Variants in GRAMD1B observed in about 807,000 individuals in gnomAD.
The protein encoded by GRAMD1B is GRAM domain containing 1B, also known as protein Aster-B.
A neutral mutation model predicts 99.7 loss-of-function variants in GRAMD1B; 37 were observed. That is an observed-to-expected ratio of 0.37 (90% confidence interval 0.29 to 0.49). GRAMD1B has a LOEUF of 0.49. GRAMD1B is among the 20% of genes least tolerant of loss of function. GRAMD1B has a pLI of 0.98. For missense variants in GRAMD1B, 888 were observed against 1,009.2 expected (o/e 0.88, Z 1.63); for synonymous variants, 427 against 387.6 (o/e 1.10, Z -1.19).
In GRAMD1B at chr11:123,608,308, G is replaced by A. The variant is rs1293407723; in HGVS notation, c.1514-351G>A. 8.4e-6 allele frequency: 5 copies of A among 594,610 alleles called. No individual in the cohort carries two copies. The African/African-American group carries it at 9.3e-5, about 11-fold the overall frequency. The allele number at this position is 594,610 out of a possible 1,614,324, so 36.8% of individuals were successfully genotyped here. On this transcript the variant is annotated intron_variant, in intron 11 of 19. Coordinates refer to ENST00000635736, the MANE Select transcript of GRAMD1B (RefSeq NM_001387025.1). ...ACAGACTCTCAAAACCCCATTCTTT[G>A]GGTTTAGGCAACTTCCAGAAGTAGT...
At chr11:123,544,682 G>A (rs1349705574) in intron 2 of GRAMD1B, among the ~76,000 whole-genome samples, 1 of 152,212 alleles carries the variant, frequency 6.6e-6, no homozygotes, top group African/African-American at 2.4e-5. Flanking sequence ...TGCCCACAGC[G>A]GCGGTTGTCA....
chr11:123,614,441 G>T (rs1179398380), intron 16 of GRAMD1B, among the ~76,000 whole-genome samples: 1 of 152,172 alleles, frequency 6.6e-6, no homozygotes, highest in Non-Finnish European at 1.5e-5. Context: ...TTTAGTCCTA[G>T]CCCAATGCCA....
At chr11:123,428,847 G>C (rs536821085), upstream of GRAMD1B, among the ~76,000 whole-genome samples, 85 of 152,284 alleles carry the variant, frequency 5.6e-4, no homozygotes, top group Non-Finnish European at 9.7e-4. Flanking sequence ...GGGTGGATCA[G>C]ATTGTGGACT....
rs555690648 is a variant in GRAMD1B, at chr11:123,373,313, C to T, written c.-176+14514C>T. The stretch of plus-strand genomic sequence containing the variant: ...GGGTGTAGATGAGATTTAGATAGCA[C>T]GGGCACTGGTTTTTCTGATGGCCAG... On this transcript the variant is annotated intron_variant, in intron 1 of 20. Transcript: ENST00000638157. Among the ~76,000 whole-genome samples, 28 of 151,870 alleles carry T rather than the reference C, an allele frequency of 1.8e-4. No individual in the cohort carries two copies. In the East Asian group the frequency reaches 2.9e-3, roughly 16 times the overall value.
At chr11:123,380,423 G>C (rs900812931) in intron 1 of GRAMD1B, among the ~76,000 whole-genome samples, 4 of 152,226 alleles carry the variant, frequency 2.6e-5, no homozygotes. Context: ...AGAGGAAAAA[G>C]AGTTTAGCAG....
At chr11:123,535,883 C>G (rs937626013) in intron 2 of GRAMD1B, among the ~76,000 whole-genome samples, 6 of 152,072 alleles carry the variant, frequency 3.9e-5, no homozygotes, top group Admixed American at 2.6e-4. Context: ...GAAATGAGCA[C>G]TGAGTAGGTT....
chr11:123,570,318 G>A (rs1325258053), intron 2 of GRAMD1B, among the ~76,000 whole-genome samples: 1 of 152,108 alleles, frequency 6.6e-6, no homozygotes, highest in Non-Finnish European at 1.5e-5. Context: ...TTCCTACTGT[G>A]GGAAGTGAGA....
chr11:123,500,276 A>G (rs1345435383), intron 2 of GRAMD1B, among the ~76,000 whole-genome samples: 1 of 152,180 alleles, frequency 6.6e-6, no homozygotes. Flanking sequence ...AGCCAGGATC[A>G]TACCACTGCA....
At chr11:123,532,568 T>C (rs896882798) in intron 2 of GRAMD1B, among the ~76,000 whole-genome samples, 1 of 152,210 alleles carries the variant, frequency 6.6e-6, no homozygotes, top group African/African-American at 2.4e-5. Flanking sequence ...TTAGTGCCTG[T>C]AGAATGAAGG....
chr11:123,469,627 G>A (rs1950885989), intron 1 of GRAMD1B, among the ~76,000 whole-genome samples: 1 of 151,954 alleles, frequency 6.6e-6, no homozygotes, highest in Non-Finnish European at 1.5e-5. Flanking sequence ...ATTTAAGAGA[G>A]CTCTGTACCT....
chr11:123,402,002 C>T (rs1439837374), intron 1 of GRAMD1B, among the ~76,000 whole-genome samples: 1 of 152,194 alleles, frequency 6.6e-6, no homozygotes, highest in Non-Finnish European at 1.5e-5. Flanking sequence ...GCTTGTGAAG[C>T]TACCCGCTCT....
chr11:123,421,313 G>T (rs893873262), intron 1 of GRAMD1B, among the ~76,000 whole-genome samples: 1 of 152,158 alleles, frequency 6.6e-6, no homozygotes, highest in Non-Finnish European at 1.5e-5. Flanking sequence ...AATTAGATGC[G>T]CACAGAATGT....
chr11:123,478,218 C>A (rs921372888), intron 1 of GRAMD1B, among the ~76,000 whole-genome samples: 6 of 152,118 alleles, frequency 3.9e-5, no homozygotes, highest in South Asian at 2.1e-4. Flanking sequence ...CACCAGGTTG[C>A]CCAGGCTGAT....
chr11:123,526,306 C>G, intron 2 of GRAMD1B: 1 of 750,054 alleles, frequency 1.3e-6, no homozygotes, highest in South Asian at 1.6e-5. Context: ...GGGGACTAGG[C>G]ACTTTAAAAG....
chr11:123,490,933 G>T (rs1938487609), intron 2 of GRAMD1B, among the ~76,000 whole-genome samples: 1 of 152,202 alleles, frequency 6.6e-6, no homozygotes, highest in South Asian at 2.1e-4. Context: ...GATAGAAAAT[G>T]ATGTCTCCTA....
At chr11:123,535,666 A>G (rs1943891092) in intron 2 of GRAMD1B, among the ~76,000 whole-genome samples, 2 of 152,094 alleles carry the variant, frequency 1.3e-5, no homozygotes, top group African/African-American at 4.8e-5. Context: ...GTTAGGAGTG[A>G]TTACAAAAAA....
chr11:123,606,862 CTA>C, intron 11 of GRAMD1B, 64 bp downstream of exon 11: 3 of 1,281,054 alleles, frequency 2.3e-6, no homozygotes, highest in Admixed American at 1.8e-5. Context: ...AAGGAGATCT[CTA>C]TGTGGGGACT....
Position 123,625,606 on chromosome 11 carries a change from C to G in GRAMD1B, c.*3011C>G, listed in dbSNP as rs1274204. ...GCACTGACGGTTTGGAGACCTGAGC[C>G]TGGGTCCTGACTTTTCCATTGACTA... On this transcript the variant is annotated 3_prime_UTR_variant, in exon 20 of 20. Coordinates refer to ENST00000635736, the MANE Select transcript of GRAMD1B (RefSeq NM_001387025.1). 1 of 152,210 alleles carries G rather than the reference C, an allele frequency of 6.6e-6. No homozygotes were observed. The highest frequency in any genetic ancestry group is 2.4e-5 in the African/African-American group (1 of 41,434). The allele number at this position is 152,210 out of a possible 1,614,324, so 9.4% of individuals were successfully genotyped here. A position where few individuals can be genotyped will look rare whatever the true frequency, so the allele number is the denominator to read the frequency against.
At chr11:123,513,352 A>G (rs1026939826) in intron 2 of GRAMD1B, among the ~76,000 whole-genome samples, 8 of 151,212 alleles carry the variant, frequency 5.3e-5, no homozygotes, top group South Asian at 2.1e-4. Context: ...TTGAGGTTCT[A>G]TTAGTCCACT....
Sources: gnomAD v4.1 joint callset for allele counts (sites outside exome capture counted in the v4.1 genomes callset) on GRCh38, gnomAD v4.1.1 for gene constraint, MANE v1.5 for transcripts, NCBI Gene and HGNC (gene_info 2026-07-23, HGNC 2026-07-21) for gene names.